Variants in CLIP1 observed in about 807,000 individuals in gnomAD.
CLIP1 encodes CAP-Gly domain-containing linker protein 1.
In CLIP1, 66 loss-of-function variants were observed where a neutral mutation model predicts 161.6. That is an observed-to-expected ratio of 0.41 (90% CI 0.33 to 0.50). CLIP1 has a LOEUF of 0.50. Ranked by LOEUF, CLIP1 falls within the 20% of genes least tolerant of loss-of-function variation. The pLI is 0.27. For synonymous variants in CLIP1, 598 were observed against 626.2 expected (o/e 0.96, Z 0.67); for missense variants, 1,376 against 1,702.0 (o/e 0.81, Z 3.37).
At chr12:122,361,234 A>C in intron 4 of CLIP1, 53 bp from the exon 5 acceptor site, 1 of 1,426,726 alleles carries the variant, frequency 7.0e-7, no homozygotes, top group Non-Finnish European at 9.7e-7. Flanking sequence ...ACAAGAAATA[A>C]TAACTATAAC....
chr12:122,351,176 C>A (rs1473129451), intron 8 of CLIP1, 33 bp from the exon 9 acceptor site: 1 of 1,357,564 alleles, frequency 7.4e-7, no homozygotes, highest in African/African-American at 1.5e-5. Context: ...AATTAAACAA[C>A]AACAAAAAAG....
chr12:122,283,277 T>TA (rs1955717650), intron 21 of CLIP1, among the ~76,000 whole-genome samples: 1 of 152,130 alleles, frequency 6.6e-6, no homozygotes, highest in African/African-American at 2.4e-5. Context: ...TTAAAAGGCT[T>TA]ACCCAACTTG....
At chr12:122,364,301 CAG>C (rs1954018057) in intron 3 of CLIP1, among the ~76,000 whole-genome samples, 194 bp from the exon 4 acceptor site, 1 of 152,080 alleles carries the variant, frequency 6.6e-6, no homozygotes, top group Non-Finnish European at 1.5e-5. Context: ...CTTATATTAC[CAG>C]AGTGATTTGA....
At chr12:122,422,392 TCGG>T (rs1956982989) in intron 1 of CLIP1, 126 bp downstream of exon 1, 1 of 149,092 alleles carries the variant, frequency 6.7e-6, no homozygotes, top group African/African-American at 2.5e-5. Context: ...CGCGCGAGGC[TCGG>T]CCCCGCTCCC....
chr12:122,408,491 G>C (rs1956411657), intron 1 of CLIP1, among the ~76,000 whole-genome samples: 1 of 151,948 alleles, frequency 6.6e-6, no homozygotes, highest in African/African-American at 2.4e-5. Context: ...TGGGACTACA[G>C]GCGCCTGCCA....
At position 122,294,048 on chromosome 12, in the gene CLIP1, TTACTCAAAA is replaced by T. The variant is rs369476047; in HGVS notation, c.3595-5516_3595-5508del. On this transcript the variant is annotated intron_variant, in intron 20 of 25. Coordinates refer to ENST00000620786, the MANE Select transcript of CLIP1 (RefSeq NM_001247997.2). ...GCCTCTTCACGAATTCAAAACAACT[TTACTCAAAA>T]TACCCCCAAACCTGTAATCCCAGCA... Among the ~76,000 whole-genome samples the T allele has an allele frequency of 2.0e-3, 297 of 151,676 alleles. 1 individual carries two copies. The highest frequency in any genetic ancestry group is 0.017 in the Middle Eastern group (5 of 294).
At chr12:122,387,253 C>A (rs1593219579) in intron 1 of CLIP1, among the ~76,000 whole-genome samples, 1 of 152,162 alleles carries the variant, frequency 6.6e-6, no homozygotes. Context: ...TCCCAGGGAA[C>A]CTTTGAGACT....
intron 19 of CLIP1, among the ~76,000 whole-genome samples, chr12:122,314,581 T>TC (rs1951192748): frequency 6.6e-6 from 1 of 152,152 alleles, no homozygotes; most frequent in Admixed American, 6.6e-5. Flanking sequence ...GCCCTGCCCC[T>TC]CCATCACCTA....
At chr12:122,394,829 G>A (rs1009455715) in intron 1 of CLIP1, among the ~76,000 whole-genome samples, 1 of 152,202 alleles carries the variant, frequency 6.6e-6, no homozygotes, top group South Asian at 2.1e-4. Flanking sequence ...CTCCAGTCTG[G>A]CGACAGCATG....
chr12:122,301,569 G>T (rs1950679602), intron 20 of CLIP1, among the ~76,000 whole-genome samples: 1 of 152,162 alleles, frequency 6.6e-6, no homozygotes, highest in Non-Finnish European at 1.5e-5. Context: ...AGGTACTCAG[G>T]AGGCTGAGGC....
At chr12:122,309,682 C>A in intron 20 of CLIP1, 80 bp downstream of exon 20, 2 of 1,557,056 alleles carry the variant, frequency 1.3e-6, no homozygotes, top group Non-Finnish European at 1.8e-6. Flanking sequence ...AGCAGACCTC[C>A]GAGTGGCCTC....
chr12:122,351,702 TA>T (rs1172819089), intron 8 of CLIP1, among the ~76,000 whole-genome samples: 1 of 152,214 alleles, frequency 6.6e-6, no homozygotes, highest in Non-Finnish European at 1.5e-5. Flanking sequence ...TATTGTAGAT[TA>T]AAGAACTACA....
At chr12:122,410,344 T>C (rs558828374) in intron 1 of CLIP1, among the ~76,000 whole-genome samples, 1 of 152,274 alleles carries the variant, frequency 6.6e-6, no homozygotes, top group African/African-American at 2.4e-5. Context: ...TTCTTTTGTA[T>C]ACCATTTTCA....
intron 20 of CLIP1, among the ~76,000 whole-genome samples, chr12:122,300,242 C>T (rs575593375): frequency 6.6e-6 from 1 of 152,184 alleles, no homozygotes; most frequent in South Asian, 2.1e-4. Flanking sequence ...TGTACTCCAG[C>T]CTGGGTGGCA....
chr12:122,367,434 T>C (rs982040790), intron 3 of CLIP1, among the ~76,000 whole-genome samples: 8 of 152,218 alleles, frequency 5.3e-5, no homozygotes, highest in Admixed American at 2.0e-4. Context: ...AGTTATTCTA[T>C]GGAGACAGAA....
chr12:122,358,791 C>T (rs1358237391), intron 5 of CLIP1, among the ~76,000 whole-genome samples: 2 of 151,258 alleles, frequency 1.3e-5, no homozygotes, highest in Non-Finnish European at 2.9e-5. Flanking sequence ...TGGTGGCTCA[C>T]GCCTCATGCC....
intron 1 of CLIP1, among the ~76,000 whole-genome samples, chr12:122,385,897 A>G (rs1955235468): frequency 6.6e-6 from 1 of 152,112 alleles, no homozygotes; most frequent in Non-Finnish European, 1.5e-5. Context: ...AGGGAAAGAG[A>G]ATGCAGAGAA....
intron 10 of CLIP1, chr12:122,343,662 C>A (rs952756518): frequency 1.3e-5 from 2 of 152,136 alleles, no homozygotes; most frequent in Non-Finnish European, 2.9e-5. Context: ...CCATGTACTT[C>A]GATTCTATTT....
rs1955199789 is a variant in CLIP1 at position 122,271,965 on chromosome 12, T to A, written c.*910A>T. The A allele has an allele frequency of 1.3e-5, 2 of 152,606 alleles. No homozygotes were observed. The allele number at this position is 152,606 out of a possible 1,614,324, so 9.5% of individuals were successfully genotyped here. On this transcript the variant is annotated 3_prime_UTR_variant, in exon 26 of 26. Transcript: ENST00000620786. The stretch of plus-strand genomic sequence containing the variant: ...AAAAAATTGGAGAAAATTCCTCCAG[T>A]TATTTAAATCTGGTGAAGAAATAAA...
Sources: allele counts gnomAD v4.1 joint callset (sites outside exome capture counted in the v4.1 genomes callset), GRCh38; gene constraint gnomAD v4.1.1; transcripts MANE v1.5; gene names NCBI Gene and HGNC (gene_info 2026-07-23, HGNC 2026-07-21).